The following BEND7 variants were observed in gnomAD, a reference collection of about 807,000 sequenced individuals.
The protein encoded by BEND7 is BEN domain-containing protein 7.
A neutral mutation model predicts 50.9 loss-of-function variants in BEND7; 28 were observed. The ratio of observed to expected loss-of-function variants is 0.55; its 90% CI spans 0.41 to 0.75. BEND7 has a LOEUF of 0.75. Ranked by LOEUF, BEND7 falls within the 30% of genes least tolerant of loss-of-function variation. The probability of loss-of-function intolerance (pLI) is 0.00; values close to 1 mark genes in which losing one functional copy is unlikely to be tolerated. For synonymous variants in BEND7, 170 were observed against 183.9 expected (o/e 0.92, Z 0.61); for missense variants, 477 against 491.3 (o/e 0.97, Z 0.28).
At chr10:13,440,364 G>T (rs951041776), downstream of BEND7, among the ~76,000 whole-genome samples, 1 of 152,248 alleles carries the variant, frequency 6.6e-6, no homozygotes, top group Non-Finnish European at 1.5e-5. Flanking sequence ...GAGCAGCGCG[G>T]ACACCTGCAA....
chr10:13,489,507 T>C (rs1049733730), intron 5 of BEND7, among the ~76,000 whole-genome samples: 2 of 152,126 alleles, frequency 1.3e-5, no homozygotes, highest in African/African-American at 4.8e-5. Context: ...AAGCTGCCCG[T>C]AGAAAGCGGA....
chr10:13,452,767 A>C (rs1838049291), intron 6 of BEND7, 109 bp from the exon 7 acceptor site: 1 of 998,294 alleles, frequency 1.0e-6, no homozygotes, highest in African/African-American at 1.6e-5. Flanking sequence ...AAAGGAGGTC[A>C]GTTCTGCACG....
At chr10:13,494,690 T>A (rs2076914509) in intron 4 of BEND7, among the ~76,000 whole-genome samples, 1 of 152,238 alleles carries the variant, frequency 6.6e-6, no homozygotes. Flanking sequence ...TGATTCTCAA[T>A]TAGAAATGAA....
chr10:13,492,787 C>G lies in BEND7; in HGVS notation c.661G>C (p.Val221Leu). ...AGAGGTTCCACAGTCTTTGGGGGCACTTTTTTCTTTTTATTTCTCTTTCGT... is the reference window on the plus strand; with the variant it reads ...AGAGGTTCCACAGTCTTTGGGGGCAGTTTTTTCTTTTTATTTCTCTTTCGT... Reference protein sequence around the residue: ...VSRKRNKKKKVPPKTVEPLTV... With the variant: ...VSRKRNKKKKLPPKTVEPLTV... Residue 221 changes from valine (V) to leucine (L), a missense_variant, in exon 5 of 9, where the codon GTG becomes CTG. Physicochemically the swap from Val to Leu is conservative, Grantham distance 32. Coordinates refer to ENST00000466271, the MANE Select transcript of BEND7 (RefSeq NM_001369863.1). 6.2e-7 allele frequency: 1 copy of G among 1,608,248 alleles called. No homozygotes were observed. The highest frequency in any genetic ancestry group is 8.5e-7 in the Non-Finnish European group (1 of 1,178,780).
At chr10:13,468,715 G>A (rs1457641586) in intron 6 of BEND7, among the ~76,000 whole-genome samples, 1 of 152,204 alleles carries the variant, frequency 6.6e-6, no homozygotes, top group Non-Finnish European at 1.5e-5. Flanking sequence ...AAAGGGCACT[G>A]AATGAGAGAG....
At chr10:13,440,512 A>C (rs1392219617), downstream of BEND7, among the ~76,000 whole-genome samples, 2 of 152,214 alleles carry the variant, frequency 1.3e-5, no homozygotes, top group Admixed American at 6.5e-5. Flanking sequence ...AGGCCCCTGT[A>C]AAACCAGGGG....
chr10:13,449,038 G>A (rs558358121), intron 7 of BEND7, among the ~76,000 whole-genome samples: 1 of 151,878 alleles, frequency 6.6e-6, no homozygotes, highest in Non-Finnish European at 1.5e-5. Flanking sequence ...TCAAACCATG[G>A]GATAAATGGT....
intron 6 of BEND7, among the ~76,000 whole-genome samples, chr10:13,465,003 C>A (rs552125149): frequency 6.6e-6 from 1 of 152,164 alleles, no homozygotes; most frequent in Non-Finnish European, 1.5e-5. Context: ...TACCTGAGTT[C>A]GTTAACCAGT....
intron 6 of BEND7, among the ~76,000 whole-genome samples, chr10:13,460,548 C>G (rs1487735072): frequency 6.6e-6 from 1 of 152,194 alleles, no homozygotes; most frequent in African/African-American, 2.4e-5. Context: ...GCCCAGCAAG[C>G]CTGACTCTTC....
chr10:13,447,041 A>C, intron 8 of BEND7: 2 of 567,128 alleles, frequency 3.5e-6, no homozygotes, highest in Non-Finnish European at 6.2e-6. Context: ...TGCTCTTCTG[A>C]GATTTTTATG....
intron 2 of BEND7, chr10:13,500,517 CA>C: frequency 1.0e-6 from 1 of 991,288 alleles, no homozygotes; most frequent in Non-Finnish European, 1.2e-6. Context: ...CACTGTCTGT[CA>C]GCTTCACCAG....
At chr10:13,502,217 TTATTTTGAATTTACTGTTCAC>T (rs2077523798) in intron 2 of BEND7, among the ~76,000 whole-genome samples, 1 of 152,172 alleles carries the variant, frequency 6.6e-6, no homozygotes, top group Non-Finnish European at 1.5e-5. Context: ...ATAAGGAAGT[TTATTTTGAATTTACTGTTCAC>T]TATTTTGAAG....
intron 7 of BEND7, 41 bp downstream of exon 7, chr10:13,452,498 A>G (rs777458349): frequency 8.3e-6 from 13 of 1,571,474 alleles, no homozygotes; most frequent in Middle Eastern, 1.7e-4. Flanking sequence ...CTAAGAATTC[A>G]TAAGTGCTTC....
chr10:13,439,399 G>T, downstream of BEND7: 1 of 1,614,142 alleles, frequency 6.2e-7, no homozygotes, highest in African/African-American at 1.3e-5. Flanking sequence ...TCTGCCATCT[G>T]TCCCTTTTCT....
chr10:13,447,211 T>G lies in BEND7; in HGVS notation c.1234+55A>C, dbSNP rs747698341. On this transcript the variant is annotated intron_variant, in intron 8 of 8. Coordinates refer to ENST00000466271, the MANE Select transcript of BEND7 (RefSeq NM_001369863.1). ...TTAAAATCGTTTTCAATGCAAATAGTTTTGTGGGCTGTATTTTCCAGGAGG... is the reference window on the plus strand; with the variant it reads ...TTAAAATCGTTTTCAATGCAAATAGGTTTGTGGGCTGTATTTTCCAGGAGG... 5 of 1,582,976 alleles carry G rather than the reference T, an allele frequency of 3.2e-6. No homozygotes were observed. In the African/African-American group the frequency reaches 6.7e-5, roughly 21 times the overall value.
chr10:13,475,211 G>A (rs1588827151), intron 6 of BEND7, among the ~76,000 whole-genome samples: 1 of 152,114 alleles, frequency 6.6e-6, no homozygotes, highest in African/African-American at 2.4e-5. Context: ...ACAGCCAAGA[G>A]GCAAGCTATA....
chr10:13,487,535 C>T (rs528429954), intron 5 of BEND7, among the ~76,000 whole-genome samples: 14 of 151,920 alleles, frequency 9.2e-5, no homozygotes, highest in South Asian at 2.1e-4. Flanking sequence ...TACAGGCATG[C>T]GCCACCACGC....
rs867368935 is a variant in BEND7, at chr10:13,447,158, G to T, written c.1234+108C>A. The T allele has an allele frequency of 2.3e-5, 27 of 1,163,556 alleles. 2 individuals carry two copies. The Middle Eastern group carries it at 1.5e-3, about 66-fold the overall frequency. The allele number at this position is 1,163,556 out of a possible 1,614,324, so 72.1% of individuals were successfully genotyped here. On this transcript the variant is annotated intron_variant, in intron 8 of 8. Coordinates refer to ENST00000466271, the MANE Select transcript of BEND7 (RefSeq NM_001369863.1). ...CGGGGCCTGGTCCACTGCAGAAGCA[G>T]TTTGCTCAAGTGTCTGCATGTCTAA...
At chr10:13,503,958 C>T (rs1253204671) in intron 2 of BEND7, among the ~76,000 whole-genome samples, 1 of 152,158 alleles carries the variant, frequency 6.6e-6, no homozygotes, top group African/African-American at 2.4e-5. Context: ...GCAGGTCACC[C>T]CTGCAGCTGC....
Sources: gnomAD v4.1 joint callset for allele counts (sites outside exome capture counted in the v4.1 genomes callset) on GRCh38, gnomAD v4.1.1 for gene constraint, MANE v1.5 for transcripts, NCBI Gene and HGNC (gene_info 2026-07-23, HGNC 2026-07-21) for gene names.